ZFYVE28: variants seen among roughly 807,000 people sequenced by gnomAD.
ZFYVE28 encodes the protein lateral signaling target protein 2 homolog.
In ZFYVE28, 40 loss-of-function variants were observed where a neutral mutation model predicts 82.1. The ratio of observed to expected loss-of-function variants is 0.49; its 90% CI spans 0.38 to 0.63. The LOEUF (loss-of-function observed/expected upper bound fraction) is 0.63. Ranked by LOEUF, ZFYVE28 falls within the 30% of genes least tolerant of loss-of-function variation. ZFYVE28 has a pLI of 0.00. For missense variants in ZFYVE28, 1,321 were observed against 1,242.1 expected, an observed-to-expected ratio of 1.06 and a Z score of -0.96; for synonymous variants, 612 against 546.1, an observed-to-expected ratio of 1.12 and a Z score of -1.68.
intron 1 of ZFYVE28, among the ~76,000 whole-genome samples, chr4:2,379,852 A>G (rs1290373496): frequency 6.6e-6 from 1 of 152,036 alleles, no homozygotes; most frequent in Non-Finnish European, 1.5e-5. Context: ...CAGTCGCACA[A>G]TCTCAGCTCA....
Position 2,339,627 on chromosome 4 carries a change from TTCATGATGATGGAGCCGGC to T in ZFYVE28, c.328_346del (p.Ala110ThrfsTer16). The T allele has an allele frequency of 1.2e-6, 2 of 1,608,948 alleles. No homozygotes were observed. The highest frequency in any genetic ancestry group is 1.7e-6 in the Non-Finnish European group (2 of 1,178,180). On this transcript the variant is annotated frameshift_variant, in exon 4 of 13. Coordinates refer to ENST00000290974, the MANE Select transcript of ZFYVE28 (RefSeq NM_020972.3). LOFTEE classifies it high-confidence loss of function. The surrounding 1 kb of genome is among the most constrained non-coding windows in gnomAD (Gnocchi z 5.0). The stretch of plus-strand genomic sequence containing the variant: ...CATGGCCATGCTCTCCAGCTCCCGG[TTCATGATGATGGAGCCGGC>T]GGCCAGGCACTGCGGGAGGGGACAC...
chr4:2,364,667 G>T lies in ZFYVE28; in HGVS notation c.40-10594C>A, dbSNP rs976525667. The T allele has an allele frequency of 9.1e-6, 9 of 985,504 alleles. No homozygotes were observed. The East Asian group carries it at 6.8e-4, about 75-fold the overall frequency. 61.0% of individuals were successfully genotyped at this position (985,504 alleles called of 1,614,324 possible). ...GTGGGCTTAAGGACGCAGAGAACCCGCTTAGCCTGGACAAGCCCTTAGCAC... is the reference window on the plus strand; with the variant it reads ...GTGGGCTTAAGGACGCAGAGAACCCTCTTAGCCTGGACAAGCCCTTAGCAC... On this transcript the variant is annotated intron_variant, in intron 1 of 12. Coordinates refer to ENST00000290974, the MANE Select transcript of ZFYVE28 (RefSeq NM_020972.3).
At position 2,337,474 on chromosome 4, in the gene ZFYVE28, C is replaced by G. The variant is rs1240820962; in HGVS notation, c.544G>C (p.Val182Leu). ...ACGTAGTACTCCCTGGGGGACTTCA[C>G]AGGCACCATGGCCGAGACGTAGCTG... is the stretch of plus-strand genomic sequence containing the variant. ...ELSYVSAMVP[V>L]KSPREYYVQQ... The change falls in exon 5 of 13, where the codon GTG becomes CTG. Residue 182 changes from valine (V) to leucine (L), a missense_variant. Physicochemically the swap from Val to Leu is conservative, Grantham distance 32 (BLOSUM62 1). This residue lies in a region of ZFYVE28 where 343 missense variants were observed against 408.4 expected (regional missense o/e 0.84). Coordinates refer to ENST00000290974, the MANE Select transcript of ZFYVE28 (RefSeq NM_020972.3). 6.2e-7 allele frequency: 1 copy of G among 1,609,226 alleles called. No individual in the cohort carries two copies. The highest frequency in any genetic ancestry group is 2.2e-5 in the East Asian group (1 of 44,754).
intron 8 of ZFYVE28, among the ~76,000 whole-genome samples, chr4:2,279,938 G>C (rs1560131973): frequency 6.6e-6 from 1 of 152,178 alleles, no homozygotes; most frequent in Non-Finnish European, 1.5e-5. Flanking sequence ...TTTCTTTATG[G>C]GGTGATGAAA....
intron 2 of ZFYVE28, among the ~76,000 whole-genome samples, chr4:2,350,145 C>T (rs887913606): frequency 1.4e-4 from 22 of 151,954 alleles, no homozygotes; most frequent in African/African-American, 5.1e-4. Context: ...AAAAAGCTGC[C>T]AGAAATAATA....
In ZFYVE28 at chr4:2,304,878, G is replaced by GCTGCAGCCGCGA; in HGVS notation, c.1461_1462insTCGCGGCTGCAG (p.His487_Leu488insSerArgLeuGln). On this transcript the variant is annotated inframe_insertion, in exon 8 of 13. Coordinates refer to ENST00000290974, the MANE Select transcript of ZFYVE28 (RefSeq NM_020972.3). ...TCCGCACCCACCTCCCAGCCGTCCA[G>GCTGCAGCCGCGA]GTGCAGCCGCGAGTCCAGGCAGCTG... The GCTGCAGCCGCGA allele has an allele frequency of 6.2e-7, 1 of 1,612,700 alleles. No homozygotes were observed. The highest frequency in any genetic ancestry group is 8.5e-7 in the Non-Finnish European group (1 of 1,179,870).
At position 2,362,091 on chromosome 4, in the gene ZFYVE28, C is replaced by G. The variant is rs1726242032; in HGVS notation, c.40-8018G>C. 1.3e-5 allele frequency among the ~76,000 whole-genome samples: 2 copies of G among 152,138 alleles called. No homozygotes were observed. The highest frequency in any genetic ancestry group is 1.5e-5 in the Non-Finnish European group (1 of 68,018). The stretch of plus-strand genomic sequence containing the variant: ...AGTTCCCAAGACAGACCACCCCAGG[C>G]AGCCAGCTCCCTACCCCTACAGCCC... On this transcript the variant is annotated intron_variant, in intron 1 of 12. Transcript: ENST00000290974. The surrounding 1 kb of genome is among the most constrained non-coding windows in gnomAD (Gnocchi z 5.1).
intron 8 of ZFYVE28, among the ~76,000 whole-genome samples, chr4:2,303,367 T>C (rs1715913170): frequency 6.6e-6 from 1 of 152,054 alleles, no homozygotes; most frequent in Admixed American, 6.6e-5. Context: ...CCCTCACTCC[T>C]GCATCTGTGC....
rs146422876 is a variant in ZFYVE28 at position 2,409,512 on chromosome 4, C to G, written c.39+8773G>C. 1.9e-3 allele frequency among the ~76,000 whole-genome samples: 282 copies of G among 152,180 alleles called. 1 individual carries two copies. The highest frequency in any genetic ancestry group is 6.5e-3 in the African/African-American group (268 of 41,528). ...AGTGCACCCAGCCTTTCAGGCTCCG[C>G]GACCCACACCCCCTTGCCACTCACA... On this transcript the variant is annotated intron_variant, in intron 1 of 12. Coordinates refer to ENST00000290974, the MANE Select transcript of ZFYVE28 (RefSeq NM_020972.3). The surrounding 1 kb of genome is among the most constrained non-coding windows in gnomAD (Gnocchi z 4.4).
At chr4:2,414,951 C>T (rs1486557502) in intron 1 of ZFYVE28, among the ~76,000 whole-genome samples, 1 of 152,222 alleles carries the variant, frequency 6.6e-6, no homozygotes, top group Non-Finnish European at 1.5e-5. Context: ...TCACCAACAT[C>T]AATAAAGCAG....
At chr4:2,361,448 C>T (rs750448629) in intron 1 of ZFYVE28, among the ~76,000 whole-genome samples, 1 of 152,192 alleles carries the variant, frequency 6.6e-6, no homozygotes, top group Non-Finnish European at 1.5e-5. Flanking sequence ...CTCAGCCCGT[C>T]TGACCCACGT....
chr4:2,400,646 A>G (rs1399291427), intron 1 of ZFYVE28, among the ~76,000 whole-genome samples: 3 of 152,144 alleles, frequency 2.0e-5, no homozygotes, highest in Non-Finnish European at 4.4e-5. Context: ...AAGCAAGGAG[A>G]GCCGAGTCCC....
In ZFYVE28 at chr4:2,285,577, C is replaced by T. The variant is rs1712606012; in HGVS notation, c.2052-11361G>A. ...GGTTTTCCTGTGTGACTCGCCTTCC[C>T]AAGGAAGTCAGTCTTCTCACCACAG... On this transcript the variant is annotated intron_variant, in intron 8 of 12. Coordinates refer to ENST00000290974, the MANE Select transcript of ZFYVE28 (RefSeq NM_020972.3). The T allele has an allele frequency of 2.0e-5, 3 of 152,348 alleles. 1 individual carries two copies. The highest frequency in any genetic ancestry group is 2.0e-4 in the Admixed American group (3 of 15,282). 9.4% of individuals were successfully genotyped at this position (152,348 alleles called of 1,614,324 possible).
chr4:2,383,834 G>C (rs556730502), intron 1 of ZFYVE28, among the ~76,000 whole-genome samples: 1 of 152,284 alleles, frequency 6.6e-6, no homozygotes, highest in South Asian at 2.1e-4. Context: ...CTTTCTCTGT[G>C]TGTGGTGTCG....
At chr4:2,280,279 G>A (rs1200239746) in intron 8 of ZFYVE28, among the ~76,000 whole-genome samples, 5 of 152,172 alleles carry the variant, frequency 3.3e-5, no homozygotes, top group Admixed American at 1.3e-4. Context: ...AGGCTGAGGC[G>A]GGAGGATCAC....
intron 1 of ZFYVE28, among the ~76,000 whole-genome samples, chr4:2,386,997 A>G (rs1424596550): frequency 6.6e-6 from 1 of 152,220 alleles, no homozygotes; most frequent in Non-Finnish European, 1.5e-5. Context: ...CTGAGGCCCC[A>G]GAATGGAGAT....
rs17132431 is a variant in ZFYVE28, at chr4:2,305,905, C to A, written c.804-369G>T. ...TGCTGGTTTACACATAAACCTTCAT[C>A]CTTTCATTCCACAAATACCATTGGG... On this transcript the variant is annotated intron_variant, in intron 7 of 12. Transcript: ENST00000290974. Among the ~76,000 whole-genome samples the A allele has an allele frequency of 2.6e-3, 400 of 152,356 alleles. 18 individuals are homozygous for A. In the East Asian group the frequency reaches 0.062, roughly 24 times the overall value.
rs1578453875 is a variant in ZFYVE28, at chr4:2,418,423, G to C, written c.-100C>G. ...CGGGGCGGACGCGGAGGCACGGCCG[G>C]AGCCCCCGCGCTGTCGCAGGGAGGC... On this transcript the variant is annotated 5_prime_UTR_variant, in exon 1 of 13. Transcript: ENST00000290974. The surrounding 1 kb of genome is among the most constrained non-coding windows in gnomAD (Gnocchi z 4.6). The C allele has an allele frequency of 3.1e-6, 3 of 974,636 alleles. No individual in the cohort carries two copies. Among genetic ancestry groups the C allele is most frequent in the Non-Finnish European group, 3.8e-6 (3 of 794,172 alleles). The allele number at this position is 974,636 out of a possible 1,614,324, so 60.4% of individuals were successfully genotyped here.
chr4:2,310,059 G>A (rs948406214), intron 7 of ZFYVE28, among the ~76,000 whole-genome samples: 26 of 151,746 alleles, frequency 1.7e-4, no homozygotes, highest in Admixed American at 5.9e-4. Context: ...TTAATTTTGA[G>A]ATAATGTCTT....
Sources: allele counts gnomAD v4.1 joint callset (sites outside exome capture counted in the v4.1 genomes callset), GRCh38; gene constraint gnomAD v4.1.1; regional missense constraint gnomAD v4.1.1; non-coding constraint Gnocchi (gnomAD v3.1); transcripts MANE v1.5; gene names NCBI Gene and HGNC (gene_info 2026-07-23, HGNC 2026-07-21).